The following SNTB1 variants were observed in gnomAD, a reference collection of about 807,000 sequenced individuals.
SNTB1 encodes syntrophin beta 1.
In SNTB1, 36 loss-of-function variants were observed where a neutral mutation model predicts 48.9. That is an observed-to-expected ratio of 0.74 (90% CI 0.56 to 0.97). The LOEUF is 0.97. Ranked by LOEUF, SNTB1 falls within the 50% of genes least tolerant of loss-of-function variation. The pLI, the probability that SNTB1 is intolerant of heterozygous loss-of-function variation, is 0.00. For synonymous variants in SNTB1, 299 were observed against 294.6 expected (o/e 1.01, Z -0.15); for missense variants, 786 against 703.4 (o/e 1.12, Z -1.33).
At chr8:120,737,213 A>C (rs1323785488) in intron 1 of SNTB1, among the ~76,000 whole-genome samples, 2 of 152,222 alleles carry the variant, frequency 1.3e-5, no homozygotes, top group African/African-American at 4.8e-5. Context: ...TGTCCCATTT[A>C]ATCCTCTCAA....
At chr8:120,725,277 G>A (rs1818734241) in intron 1 of SNTB1, among the ~76,000 whole-genome samples, 1 of 152,114 alleles carries the variant, frequency 6.6e-6, no homozygotes, top group Admixed American at 6.6e-5. Flanking sequence ...TCCCCAGTCA[G>A]ATTCCACCCC....
At chr8:120,607,279 T>C (rs892587101) in intron 3 of SNTB1, among the ~76,000 whole-genome samples, 3 of 152,208 alleles carry the variant, frequency 2.0e-5, no homozygotes, top group Non-Finnish European at 4.4e-5. Flanking sequence ...AATATCCAGT[T>C]ATTGAGAGGG....
intron 1 of SNTB1, among the ~76,000 whole-genome samples, chr8:120,750,096 T>C (rs762045624): frequency 2.4e-4 from 37 of 152,186 alleles, no homozygotes; most frequent in Non-Finnish European, 4.0e-4. Flanking sequence ...AGACAAATTA[T>C]TCAATTACTA....
At chr8:120,580,849 A>G (rs1034948310) in intron 3 of SNTB1, among the ~76,000 whole-genome samples, 1 of 152,168 alleles carries the variant, frequency 6.6e-6, no homozygotes, top group African/African-American at 2.4e-5. Context: ...GGACAGGGCT[A>G]AGCAAGGCCA....
chr8:120,704,594 G>A (rs1401607031), intron 1 of SNTB1, among the ~76,000 whole-genome samples: 1 of 152,050 alleles, frequency 6.6e-6, no homozygotes, highest in Non-Finnish European at 1.5e-5. Context: ...TGGAACTACC[G>A]AGATCTTGCT....
chr8:120,760,115 G>T (rs1819391246), intron 1 of SNTB1, among the ~76,000 whole-genome samples: 1 of 152,096 alleles, frequency 6.6e-6, no homozygotes, highest in South Asian at 2.1e-4. Context: ...GTTTGATATT[G>T]AATTTGATAT....
intron 2 of SNTB1, chr8:120,635,832 T>C (rs865875904): frequency 6.2e-6 from 2 of 322,350 alleles, no homozygotes; most frequent in Middle Eastern, 8.3e-4. Context: ...TACTTCCTTA[T>C]TCTTTTCATC....
intron 3 of SNTB1, among the ~76,000 whole-genome samples, chr8:120,599,140 T>A (rs972660928): frequency 7.2e-5 from 11 of 152,162 alleles, no homozygotes; most frequent in African/African-American, 2.7e-4. Flanking sequence ...AGGTGCTACC[T>A]CTATATAAGG....
chr8:120,579,894 C>G (rs1816016159), intron 3 of SNTB1, among the ~76,000 whole-genome samples: 1 of 152,162 alleles, frequency 6.6e-6, no homozygotes, highest in Non-Finnish European at 1.5e-5. Flanking sequence ...AGTAAACAGG[C>G]AATCCTTAAA....
intron 1 of SNTB1, among the ~76,000 whole-genome samples, chr8:120,772,958 G>T (rs1819665442): frequency 6.6e-6 from 1 of 152,138 alleles, no homozygotes; most frequent in South Asian, 2.1e-4. Context: ...GTGGCAGCAA[G>T]ATCACTCACA....
At chr8:120,555,683 C>T (rs1212339894) in intron 4 of SNTB1, among the ~76,000 whole-genome samples, 2 of 152,268 alleles carry the variant, frequency 1.3e-5, no homozygotes, top group East Asian at 3.9e-4. Context: ...CTGAGGACTC[C>T]CATGCCCTTG....
chr8:120,662,767 G>T (rs997718596), intron 2 of SNTB1, among the ~76,000 whole-genome samples: 6 of 152,132 alleles, frequency 3.9e-5, no homozygotes, highest in Non-Finnish European at 8.8e-5. Context: ...TATCATGAAA[G>T]CATGGCCTGA....
chr8:120,793,467 G>A (rs1208805168), intron 1 of SNTB1, among the ~76,000 whole-genome samples: 1 of 152,044 alleles, frequency 6.6e-6, no homozygotes, highest in Non-Finnish European at 1.5e-5. Flanking sequence ...AAAAGATAAA[G>A]CAAGTTGAGA....
chr8:120,649,710 C>CGGCTG (rs1817373965), intron 2 of SNTB1, among the ~76,000 whole-genome samples: 1 of 151,828 alleles, frequency 6.6e-6, no homozygotes. Context: ...TCGAGCTTCC[C>CGGCTG]GGCTGCTTTG....
chr8:120,719,481 A>C (rs916708028), intron 1 of SNTB1, among the ~76,000 whole-genome samples: 12 of 151,970 alleles, frequency 7.9e-5, no homozygotes, highest in African/African-American at 2.9e-4. Context: ...ATTCAGGCAC[A>C]CTCCTAGTTT....
chr8:120,801,831 T>C (rs770065057), intron 1 of SNTB1, among the ~76,000 whole-genome samples: 4 of 152,104 alleles, frequency 2.6e-5, no homozygotes, highest in Non-Finnish European at 4.4e-5. Flanking sequence ...CTAAACTTTT[T>C]TAAAAAAATT....
chr8:120,753,815 CAT>C (rs1336808579), intron 1 of SNTB1, among the ~76,000 whole-genome samples: 1 of 152,186 alleles, frequency 6.6e-6, no homozygotes, highest in Non-Finnish European at 1.5e-5. Flanking sequence ...TGGATCCACA[CAT>C]GTGTCTTATC....
At chr8:120,635,148 T>C (rs1817053590) in intron 2 of SNTB1, among the ~76,000 whole-genome samples, 1 of 152,202 alleles carries the variant, frequency 6.6e-6, no homozygotes, top group Non-Finnish European at 1.5e-5. Context: ...GGGAATTCTT[T>C]AGGTGACAAC....
chr8:120,674,774 G>C (rs1049764190), intron 2 of SNTB1, among the ~76,000 whole-genome samples: 1 of 152,278 alleles, frequency 6.6e-6, no homozygotes, highest in Middle Eastern at 3.4e-3. Context: ...ATGACAGAAA[G>C]GGTACAGAAG....
Sources: allele counts gnomAD v4.1 joint callset (sites outside exome capture counted in the v4.1 genomes callset), GRCh38; gene constraint gnomAD v4.1.1; transcripts MANE v1.5; gene names NCBI Gene and HGNC (gene_info 2026-07-23, HGNC 2026-07-21).